RABGAP1L: variants seen among roughly 807,000 people sequenced by gnomAD.
RABGAP1L encodes the protein RAB GTPase activating protein 1 like.
In RABGAP1L, 63 loss-of-function variants were observed where a neutral mutation model predicts 137.7. The observed-to-expected ratio is 0.46, with a 90% CI of 0.37 to 0.56. The LOEUF (loss-of-function observed/expected upper bound fraction) is 0.56. Among genes scored for constraint, RABGAP1L ranks in the 20% least tolerant of loss-of-function variants. The probability of loss-of-function intolerance (pLI) is 0.00; values close to 1 mark genes in which losing one functional copy is unlikely to be tolerated. For synonymous variants in RABGAP1L, 431 were observed against 433.7 expected (o/e 0.99, Z 0.08); for missense variants, 1,095 against 1,244.0 (o/e 0.88, Z 1.80).
chr1:174,763,755 G>A lies in RABGAP1L; in HGVS notation c.2211+11401G>A, dbSNP rs1462673835. 7.8e-4 allele frequency among the ~76,000 whole-genome samples: 112 copies of A among 143,914 alleles called. 1 individual carries two copies. Among genetic ancestry groups the A allele is most frequent in the African/African-American group, 2.6e-3 (101 of 38,544 alleles). The allele number at this position is 143,914 out of a possible 152,430, so 94.4% of individuals were successfully genotyped here. A position where few individuals can be genotyped will look rare whatever the true frequency, so the allele number is the denominator to read the frequency against. ...CAGGAGGCTGAGGCAAGAGAATGGC[G>A]TGAACCCGGGAGGCGGAGCTTGCAG... On this transcript the variant is annotated intron_variant, in intron 18 of 25. Coordinates refer to ENST00000681986, the MANE Select transcript of RABGAP1L (RefSeq NM_001366446.1).
At chr1:174,502,601 CATATATGTGTGTATATATATGTACAT>C (rs1273624423) in intron 13 of RABGAP1L, among the ~76,000 whole-genome samples, 24 of 81,536 alleles carry the variant, frequency 2.9e-4, no homozygotes, top group South Asian at 2.0e-3. Flanking sequence ...TATATATGTA[CATATATGTGTGTATATATATGTACAT>C]ATATATGTGT....
intron 1 of RABGAP1L, among the ~76,000 whole-genome samples, chr1:174,192,314 A>G (rs1667267579): frequency 1.5e-5 from 2 of 131,362 alleles, no homozygotes; most frequent in Admixed American, 7.9e-5. Context: ...CACCTGTCTG[A>G]GGTGTTTTTT....
chr1:174,573,223 CTA>C lies in RABGAP1L; in HGVS notation c.1711-64146_1711-64145del, dbSNP rs566127192. Among the ~76,000 whole-genome samples, 20 of 142,758 alleles carry C rather than the reference CTA, an allele frequency of 1.4e-4. 1 individual carries two copies. In the South Asian group the frequency reaches 2.6e-3, roughly 19 times the overall value. The allele number at this position is 142,758 out of a possible 152,430, so 93.7% of individuals were successfully genotyped here. The stretch of plus-strand genomic sequence containing the variant: ...TATATATGTGTGACATATATACACA[CTA>C]TATATGTTTATATGTATGTGTGTAT... On this transcript the variant is annotated intron_variant, in intron 13 of 25. Transcript: ENST00000681986.
intron 19 of RABGAP1L, among the ~76,000 whole-genome samples, chr1:174,852,255 T>C (rs1648492541): frequency 1.3e-5 from 2 of 152,176 alleles, no homozygotes; most frequent in African/African-American, 4.8e-5. Context: ...GCTTCTGTGA[T>C]TCCCATCACT....
At chr1:174,418,247 T>C (rs1421207692) in intron 13 of RABGAP1L, among the ~76,000 whole-genome samples, 1 of 152,230 alleles carries the variant, frequency 6.6e-6, no homozygotes, top group Non-Finnish European at 1.5e-5. Context: ...TTACCTTCTT[T>C]CCTAAGATAA....
chr1:174,711,762 C>T (rs1680542256), intron 17 of RABGAP1L, among the ~76,000 whole-genome samples: 2 of 152,230 alleles, frequency 1.3e-5, no homozygotes, highest in Admixed American at 1.3e-4. Flanking sequence ...CTGGTCACAC[C>T]AACCGCCCAA....
At chr1:174,583,352 T>C (rs953638366) in intron 13 of RABGAP1L, among the ~76,000 whole-genome samples, 1 of 152,108 alleles carries the variant, frequency 6.6e-6, no homozygotes, top group Admixed American at 6.6e-5. Flanking sequence ...CCCATCTGCA[T>C]CTCCTAGGAA....
rs1448053874 is a variant in RABGAP1L at position 174,448,711 on chromosome 1, T to G, written c.1710+54566T>G. ...GGTGTGCCACGTCTTGGCTCACCAGTGCCTATTTTACTGGCTTTATTGTTT... is the reference window on the plus strand; with the variant it reads ...GGTGTGCCACGTCTTGGCTCACCAGGGCCTATTTTACTGGCTTTATTGTTT... On this transcript the variant is annotated intron_variant, in intron 13 of 25. Coordinates refer to ENST00000681986, the MANE Select transcript of RABGAP1L (RefSeq NM_001366446.1). The surrounding 1 kb of genome is among the most constrained non-coding windows in gnomAD (Gnocchi z 4.2). 6.2e-6 allele frequency: 10 copies of G among 1,614,000 alleles called. No homozygotes were observed. The highest frequency in any genetic ancestry group is 8.5e-6 in the Non-Finnish European group (10 of 1,179,942).
chr1:174,635,051 TAAAATAAA>T (rs1407096387), intron 13 of RABGAP1L, among the ~76,000 whole-genome samples: 6 of 149,790 alleles, frequency 4.0e-5, no homozygotes, highest in East Asian at 1.9e-4. Flanking sequence ...AAAATAATAA[TAAAATAAA>T]AAAATAAAAA....
intron 19 of RABGAP1L, chr1:174,897,295 G>A (rs1198132531): frequency 6.6e-6 from 1 of 152,184 alleles, no homozygotes; most frequent in African/African-American, 2.4e-5. Flanking sequence ...TTTGTATCCT[G>A]AGACTTTGCT....
intron 19 of RABGAP1L, among the ~76,000 whole-genome samples, chr1:174,878,165 T>A (rs1254055233): frequency 6.6e-6 from 1 of 152,226 alleles, no homozygotes; most frequent in Non-Finnish European, 1.5e-5. Context: ...TTATTGTTTC[T>A]TCTCTTAGAT....
chr1:174,169,994 A>G (rs1665221066), intron 1 of RABGAP1L, among the ~76,000 whole-genome samples: 1 of 152,136 alleles, frequency 6.6e-6, no homozygotes, highest in African/African-American at 2.4e-5. Context: ...CAATTTTTCA[A>G]CTTTTGGGAA....
chr1:174,533,046 A>G (rs1270763851), intron 13 of RABGAP1L, among the ~76,000 whole-genome samples: 1 of 152,170 alleles, frequency 6.6e-6, no homozygotes, highest in African/African-American at 2.4e-5. Context: ...CATCCTGGCT[A>G]ACACAGTGAA....
chr1:174,870,953 A>G (rs1400224152), intron 19 of RABGAP1L, among the ~76,000 whole-genome samples: 10 of 151,878 alleles, frequency 6.6e-5, no homozygotes, highest in Non-Finnish European at 1.3e-4. Flanking sequence ...GTTAGCCAGG[A>G]TGGTCTCGAT....
chr1:174,589,988 T>C (rs1669439715), intron 13 of RABGAP1L, among the ~76,000 whole-genome samples: 2 of 152,132 alleles, frequency 1.3e-5, no homozygotes, highest in South Asian at 2.1e-4. Flanking sequence ...TATTTATATT[T>C]CTGTGAAGAA....
At chr1:174,701,174 T>G in intron 16 of RABGAP1L, 2 of 1,295,294 alleles carry the variant, frequency 1.5e-6, no homozygotes, top group Non-Finnish European at 2.0e-6. Flanking sequence ...CTTTGTACCT[T>G]GCTGTTCATG....
At chr1:174,725,853 G>A (rs1269169015) in intron 17 of RABGAP1L, among the ~76,000 whole-genome samples, 2 of 152,218 alleles carry the variant, frequency 1.3e-5, no homozygotes, top group Non-Finnish European at 2.9e-5. Flanking sequence ...GGGAGGGATA[G>A]CACTGGGAGA....
intron 21 of RABGAP1L, among the ~76,000 whole-genome samples, chr1:174,972,881 A>G (rs1670272688): frequency 6.9e-6 from 1 of 144,336 alleles, no homozygotes; most frequent in Non-Finnish European, 1.5e-5. Context: ...AAAAAAAATT[A>G]TGGTGAAGGC....
intron 13 of RABGAP1L, among the ~76,000 whole-genome samples, chr1:174,621,455 A>C (rs1672460237): frequency 6.6e-6 from 1 of 152,200 alleles, no homozygotes; most frequent in Non-Finnish European, 1.5e-5. Flanking sequence ...TTCAAACTAT[A>C]CTACAAGGCT....
Sources: allele counts gnomAD v4.1 joint callset (sites outside exome capture counted in the v4.1 genomes callset), GRCh38; gene constraint gnomAD v4.1.1; non-coding constraint Gnocchi (gnomAD v3.1); transcripts MANE v1.5; gene names NCBI Gene and HGNC (gene_info 2026-07-23, HGNC 2026-07-21).